VTI1A: variants seen among roughly 807,000 people sequenced by gnomAD.
The protein encoded by VTI1A is vesicle transport through interaction with t-SNAREs homolog 1A.
In VTI1A, 22 loss-of-function variants were observed where a neutral mutation model predicts 34.9. The ratio of observed to expected loss-of-function variants is 0.63; its 90% CI spans 0.45 to 0.90. The LOEUF (loss-of-function observed/expected upper bound fraction) is 0.90. Ranked by LOEUF, VTI1A falls within the 40% of genes least tolerant of loss-of-function variation. The probability of loss-of-function intolerance (pLI) is 0.00; values close to 1 mark genes in which losing one functional copy is unlikely to be tolerated. For synonymous variants in VTI1A, 87 were observed against 97.3 expected, an observed-to-expected ratio of 0.89 and a Z score of 0.62; for missense variants, 268 against 275.6, an observed-to-expected ratio of 0.97 and a Z score of 0.20.
rs562228237 is a variant in VTI1A, at chr10:112,773,319, A to C, written c.561-41971A>C. 3.3e-5 allele frequency among the ~76,000 whole-genome samples: 5 copies of C among 152,294 alleles called. 1 individual carries two copies. In the South Asian group the frequency reaches 1.0e-3, roughly 32 times the overall value. ...GGAAAGCACATAGTACCTGGTACCT[A>C]GTTGCCACACAAAGCATGCATGTTC... On this transcript the variant is annotated intron_variant, in intron 7 of 7. Transcript: ENST00000393077.
intron 7 of VTI1A, among the ~76,000 whole-genome samples, chr10:112,731,963 C>T (rs1167211439): frequency 1.3e-5 from 2 of 151,814 alleles, no homozygotes; most frequent in African/African-American, 2.4e-5. Context: ...ACTTAAGCAC[C>T]TTGTCACACC....
intron 7 of VTI1A, among the ~76,000 whole-genome samples, chr10:112,711,558 C>T (rs1564894657): frequency 6.6e-6 from 1 of 152,212 alleles, no homozygotes; most frequent in Non-Finnish European, 1.5e-5. Context: ...TCAGGCCATA[C>T]TCCCTGACCA....
At chr10:112,806,829 C>T (rs1298250437) in intron 7 of VTI1A, among the ~76,000 whole-genome samples, 2 of 151,792 alleles carry the variant, frequency 1.3e-5, no homozygotes, top group African/African-American at 4.8e-5. Context: ...TCAAGGGATC[C>T]TCCCACCTCA....
intron 7 of VTI1A, among the ~76,000 whole-genome samples, chr10:112,710,879 T>A (rs1433733581): frequency 6.6e-6 from 1 of 152,156 alleles, no homozygotes; most frequent in Non-Finnish European, 1.5e-5. Flanking sequence ...CCAAATCAAA[T>A]TCTGCCTCAA....
intron 7 of VTI1A, among the ~76,000 whole-genome samples, chr10:112,748,870 C>A (rs1851004430): frequency 6.6e-6 from 1 of 151,942 alleles, no homozygotes; most frequent in Non-Finnish European, 1.5e-5. Flanking sequence ...ACCTCGTGAC[C>A]CACCCGCCTC....
intron 7 of VTI1A, among the ~76,000 whole-genome samples, chr10:112,683,504 A>C (rs959980832): frequency 6.6e-6 from 1 of 152,204 alleles, no homozygotes; most frequent in Admixed American, 6.5e-5. Context: ...TTTTTCCTAT[A>C]AAACAGAAAA....
chr10:112,638,294 G>A (rs947708975), intron 5 of VTI1A, among the ~76,000 whole-genome samples: 8 of 152,194 alleles, frequency 5.3e-5, no homozygotes, highest in African/African-American at 1.9e-4. Flanking sequence ...TTTAAACATT[G>A]AGAGCCCCAG....
intron 5 of VTI1A, among the ~76,000 whole-genome samples, chr10:112,644,145 A>G (rs1846686347): frequency 6.6e-6 from 1 of 152,246 alleles, no homozygotes; most frequent in Non-Finnish European, 1.5e-5. Context: ...GCACGGATGT[A>G]GTTTGTTTTC....
chr10:112,523,013 C>G (rs1850083450), intron 3 of VTI1A, among the ~76,000 whole-genome samples: 1 of 152,050 alleles, frequency 6.6e-6, no homozygotes, highest in African/African-American at 2.4e-5. Flanking sequence ...CTGTAGAATC[C>G]TCATTCTGGT....
intron 3 of VTI1A, among the ~76,000 whole-genome samples, chr10:112,489,380 A>G (rs974197405): frequency 6.6e-6 from 1 of 152,180 alleles, no homozygotes; most frequent in Non-Finnish European, 1.5e-5. Flanking sequence ...TCCCTTAGAA[A>G]TTATTTCCTT....
At chr10:112,488,779 T>G (rs1848728750) in intron 3 of VTI1A, among the ~76,000 whole-genome samples, 1 of 152,174 alleles carries the variant, frequency 6.6e-6, no homozygotes, top group Non-Finnish European at 1.5e-5. Context: ...TGTCTATGTA[T>G]TTTGGGTCCC....
At position 112,447,366 on chromosome 10, in the gene VTI1A, G is replaced by T. The variant is rs769226433; in HGVS notation, c.-8G>T. On this transcript the variant is annotated 5_prime_UTR_variant, in exon 1 of 8. Transcript: ENST00000393077. ...GCTTTGGCCTGGGCTACTCGTTCCG[G>T]AGCCGCCATGTCGTCCGACTTCGAA... 1 of 1,612,502 alleles carries T rather than the reference G, an allele frequency of 6.2e-7. No individual in the cohort carries two copies. The highest frequency in any genetic ancestry group is 1.7e-5 in the Admixed American group (1 of 59,958).
chr10:112,810,954 G>GAA (rs36018402), intron 7 of VTI1A, among the ~76,000 whole-genome samples: 2,156 of 151,284 alleles, frequency 0.014, 55 homozygotes, highest in African/African-American at 0.047. Context: ...TGTTCTTCAA[G>GAA]AAAAAAAAAA....
chr10:112,531,026 A>G (rs976701412), intron 4 of VTI1A, among the ~76,000 whole-genome samples: 1 of 151,486 alleles, frequency 6.6e-6, no homozygotes, highest in Non-Finnish European at 1.5e-5. Flanking sequence ...ATCAGCTTTA[A>G]AAAAAATTCG....
At chr10:112,796,529 T>C (rs1852683190) in intron 7 of VTI1A, among the ~76,000 whole-genome samples, 1 of 152,078 alleles carries the variant, frequency 6.6e-6, no homozygotes, top group Non-Finnish European at 1.5e-5. Context: ...TAAGAGCAAT[T>C]CAAGTAAAAT....
chr10:112,805,817 C>G (rs1016398795), intron 7 of VTI1A, among the ~76,000 whole-genome samples: 2 of 152,162 alleles, frequency 1.3e-5, no homozygotes, highest in African/African-American at 4.8e-5. Context: ...TCTCACTGCT[C>G]TCTCAGGGAA....
intron 7 of VTI1A, among the ~76,000 whole-genome samples, chr10:112,695,480 G>C (rs1055858218): frequency 1.6e-4 from 24 of 152,152 alleles, no homozygotes; most frequent in Admixed American, 1.4e-3. Context: ...TCATAAAAAG[G>C]GAAGCAGTGC....
intron 5 of VTI1A, among the ~76,000 whole-genome samples, chr10:112,642,771 C>G (rs1846622149): frequency 1.3e-5 from 2 of 151,898 alleles, no homozygotes; most frequent in Admixed American, 6.6e-5. Flanking sequence ...ATAACTAGGC[C>G]GAGCATAGGG....
chr10:112,808,483 G>A (rs1185363852), intron 7 of VTI1A, among the ~76,000 whole-genome samples: 2 of 152,054 alleles, frequency 1.3e-5, no homozygotes, highest in Non-Finnish European at 2.9e-5. Context: ...AAAATCAGCT[G>A]GGCGTGGTGG....
Sources: allele counts gnomAD v4.1 joint callset (sites outside exome capture counted in the v4.1 genomes callset), GRCh38; gene constraint gnomAD v4.1.1; transcripts MANE v1.5; gene names NCBI Gene and HGNC (gene_info 2026-07-23, HGNC 2026-07-21).